CHD7: variants seen among roughly 807,000 people sequenced by gnomAD.
CHD7 encodes the protein chromodomain helicase DNA binding protein 7.
Under a neutral mutation model 307.3 loss-of-function variants are expected in CHD7, and 24 were observed. That is an observed-to-expected ratio of 0.08 (90% confidence interval 0.06 to 0.11). CHD7 has a LOEUF of 0.11. Ranked by LOEUF, CHD7 falls within the 10% of genes least tolerant of loss-of-function variation. CHD7 has a pLI of 1.00. For missense variants in CHD7, 3,106 were observed against 3,727.1 expected (o/e 0.83, Z 4.34); for synonymous variants, 1,363 against 1,349.9 (o/e 1.01, Z -0.21).
At chr8:60,846,744 G>A (rs1156299371) in intron 23 of CHD7, among the ~76,000 whole-genome samples, 1 of 152,244 alleles carries the variant, frequency 6.6e-6, no homozygotes, top group Non-Finnish European at 1.5e-5. Context: ...TGTTTGAATT[G>A]TCTAAGATTA....
At chr8:60,815,866 A>G (rs1396444399) in intron 7 of CHD7, among the ~76,000 whole-genome samples, 2 of 152,182 alleles carry the variant, frequency 1.3e-5, no homozygotes, top group African/African-American at 4.8e-5. Context: ...CCAGTATGAT[A>G]GGCCTTGGGT....
intron 3 of CHD7, 33 bp from the exon 4 acceptor site, chr8:60,794,953 A>G: frequency 6.3e-7 from 1 of 1,594,286 alleles, no homozygotes; most frequent in Non-Finnish European, 8.5e-7. Context: ...ACACATTAAA[A>G]GTGAACACTA....
chr8:60,778,610 C>T (rs1030939841), intron 2 of CHD7, among the ~76,000 whole-genome samples: 1 of 152,160 alleles, frequency 6.6e-6, no homozygotes, highest in Non-Finnish European at 1.5e-5. Context: ...GGTAAACATA[C>T]CTGGTATTAA....
chr8:60,810,315 C>T (rs1207634289), intron 7 of CHD7, among the ~76,000 whole-genome samples: 2 of 151,742 alleles, frequency 1.3e-5, no homozygotes, highest in Admixed American at 6.6e-5. Flanking sequence ...TTTAGGTGTG[C>T]TCCTCGTTGC....
intron 2 of CHD7, among the ~76,000 whole-genome samples, chr8:60,769,360 C>T (rs767584257): frequency 6.6e-5 from 10 of 152,194 alleles, no homozygotes; most frequent in Non-Finnish European, 1.2e-4. Flanking sequence ...ACTCAGCCAT[C>T]GAGCTACTCA....
At chr8:60,849,787 G>A (rs116079672) in intron 25 of CHD7, among the ~76,000 whole-genome samples, 271 of 152,304 alleles carry the variant, frequency 1.8e-3, no homozygotes, top group African/African-American at 6.1e-3. Context: ...TTTGGCTTGC[G>A]GCTCTACAGC....
At chr8:60,861,354 C>A (rs1805963292) in intron 35 of CHD7, 5 of 464,356 alleles carry the variant, frequency 1.1e-5, no homozygotes, top group Non-Finnish European at 1.5e-5. Flanking sequence ...GCGCGTTATG[C>A]ATTTCCTTAC....
intron 1 of CHD7, among the ~76,000 whole-genome samples, chr8:60,728,298 C>T (rs996545836): frequency 1.1e-4 from 16 of 152,126 alleles, no homozygotes; most frequent in East Asian, 5.8e-4. Flanking sequence ...ATAGTATTAG[C>T]GGAGAGATGG....
At chr8:60,804,438 G>A (rs567920066) in intron 6 of CHD7, among the ~76,000 whole-genome samples, 6 of 152,008 alleles carry the variant, frequency 3.9e-5, no homozygotes, top group African/African-American at 9.7e-5. Context: ...ACTACAGGAC[G>A]TATTTTCAGA....
chr8:60,797,589 C>T (rs1374540586), intron 4 of CHD7, among the ~76,000 whole-genome samples: 1 of 152,132 alleles, frequency 6.6e-6, no homozygotes. Flanking sequence ...GGGTCTTAAG[C>T]AGGGAAACCT....
chr8:60,821,426 T>C (rs1009752290), intron 9 of CHD7, among the ~76,000 whole-genome samples: 2 of 152,074 alleles, frequency 1.3e-5, no homozygotes, highest in Non-Finnish European at 2.9e-5. Flanking sequence ...TTTATGGCCA[T>C]AGTTTTTAAA....
At chr8:60,688,862 C>T (rs1586164090) in intron 1 of CHD7, among the ~76,000 whole-genome samples, 1 of 152,192 alleles carries the variant, frequency 6.6e-6, no homozygotes, top group Non-Finnish European at 1.5e-5. Context: ...TTCTCAAAAT[C>T]TATAGGAGCT....
chr8:60,854,368 G>A lies in CHD7; in HGVS notation c.6781G>A (p.Ala2261Thr), dbSNP rs375383160. 3 of 1,613,246 alleles carry A rather than the reference G, an allele frequency of 1.9e-6. No homozygotes were observed. The African/African-American group carries it at 4.0e-5, about 22-fold the overall frequency. The part of the protein sequence containing the change: ...SEESSQPEAG[A>T]VSRGKNFDEE... ...CACATTAACTCATTTCTCAGCAGGA[G>A]CTGTCTCTAGAGGGAAGAATTTTGA... Residue 2261 changes from alanine to threonine, a missense_variant, in exon 32 of 38, where the codon GCT (alanine) becomes ACT (threonine). Ala to Thr is a moderately conservative substitution (Grantham distance 58, BLOSUM62 0). Transcript: ENST00000423902.
chr8:60,745,742 A>T (rs1209992754), intron 2 of CHD7, among the ~76,000 whole-genome samples: 1 of 152,188 alleles, frequency 6.6e-6, no homozygotes, highest in Non-Finnish European at 1.5e-5. Flanking sequence ...ATAGACTTTA[A>T]AGTTAGAAAG....
At position 60,852,010 on chromosome 8, in the gene CHD7, CT is replaced by C; in HGVS notation, c.5666-7del. On this transcript the variant is annotated splice_polypyrimidine_tract_variant and splice_region_variant and intron_variant, in intron 28 of 37. Transcript: ENST00000423902. Reference sequence around the variant, plus strand: ...TACACATTTCAAAAATGTTTTTCCACTTCCCCAGGCAAGCACAGTGAGAGTA... The same window carrying C: ...TACACATTTCAAAAATGTTTTTCCACTCCCCAGGCAAGCACAGTGAGAGTA... 6.3e-7 allele frequency: 1 copy of C among 1,592,940 alleles called. No homozygotes were observed. The highest frequency in any genetic ancestry group is 8.6e-7 in the Non-Finnish European group (1 of 1,166,136).
intron 2 of CHD7, among the ~76,000 whole-genome samples, chr8:60,775,095 A>G (rs1176590485): frequency 1.3e-5 from 2 of 151,984 alleles, no homozygotes; most frequent in Non-Finnish European, 2.9e-5. Context: ...TTTTGTTTAT[A>G]TGGTGAATCT....
rs1219805809 is a variant in CHD7 at position 60,867,754 on chromosome 8, A to C, written c.*1821A>C. On this transcript the variant is annotated 3_prime_UTR_variant, in exon 38 of 38. Transcript: ENST00000423902. ...CCCCAAGATGAAAATATGCCCCTTAATGATTCTGGGAAAGAAACAACCTGA... is the reference window on the plus strand; with the variant it reads ...CCCCAAGATGAAAATATGCCCCTTACTGATTCTGGGAAAGAAACAACCTGA... 1 of 152,170 alleles carries C rather than the reference A, an allele frequency of 6.6e-6. No individual in the cohort carries two copies. Among genetic ancestry groups the C allele is most frequent in the Non-Finnish European group, 1.5e-5 (1 of 68,032 alleles). The allele number at this position is 152,170 out of a possible 1,614,324, so 9.4% of individuals were successfully genotyped here. A position where few individuals can be genotyped will look rare whatever the true frequency, so the allele number is the denominator to read the frequency against.
chr8:60,701,919 C>T (rs950020762), intron 1 of CHD7, among the ~76,000 whole-genome samples: 1 of 152,198 alleles, frequency 6.6e-6, no homozygotes, highest in African/African-American at 2.4e-5. Context: ...TCCTTAAGTT[C>T]TGGTGTTGTG....
In CHD7 at chr8:60,853,341, G is replaced by A. The variant is rs762311606; in HGVS notation, c.6616G>A (p.Glu2206Lys). Residue 2206 changes from glutamate to lysine, a missense_variant, in exon 31 of 38, where the codon GAA becomes AAA. Physicochemically the swap from Glu to Lys is moderately conservative, Grantham distance 56 (BLOSUM62 1). Around this residue, in one of 10 missense-constraint regions of CHD7, gnomAD observed 1,030 missense variants for 1,165.4 expected, o/e 0.88. Transcript: ENST00000423902. ...TGGCAGCGGGAAGGAGAGCAAGCAG[G>A]AATGTGAGGCAGAGGCCAGCTCTGT... ...TDGSGKESKQECEAEASSVKN... is the reference protein window; with the variant it reads ...TDGSGKESKQKCEAEASSVKN... 3.1e-6 allele frequency: 5 copies of A among 1,590,376 alleles called. No homozygotes were observed. In the African/African-American group the frequency reaches 4.1e-5, roughly 13 times the overall value.
Sources: gnomAD v4.1 joint callset for allele counts (sites outside exome capture counted in the v4.1 genomes callset) on GRCh38, gnomAD v4.1.1 for gene constraint, gnomAD v4.1.1 regional missense constraint, MANE v1.5 for transcripts, NCBI Gene and HGNC (gene_info 2026-07-23, HGNC 2026-07-21) for gene names.